Variants in ESR1 observed in about 807,000 individuals in gnomAD.
The protein encoded by ESR1 is estrogen receptor 1.
Under a neutral mutation model 52.7 loss-of-function variants are expected in ESR1, and 12 were observed. That is an observed-to-expected ratio of 0.23 (90% CI 0.15 to 0.37). ESR1 has a LOEUF of 0.37. Among genes scored for constraint, ESR1 ranks in the 10% least tolerant of loss-of-function variants. ESR1 has a pLI of 1.00. For synonymous variants in ESR1, 305 were observed against 316.8 expected, an observed-to-expected ratio of 0.96 and a Z score of 0.39; for missense variants, 584 against 779.7, an observed-to-expected ratio of 0.75 and a Z score of 2.99.
chr6:152,076,379 G>A (rs1283034171), intron 6 of ESR1, among the ~76,000 whole-genome samples: 2 of 152,178 alleles, frequency 1.3e-5, no homozygotes, highest in Non-Finnish European at 1.5e-5. Context: ...ATGTGGAACT[G>A]TAAATCCAAT....
intron 5 of ESR1, among the ~76,000 whole-genome samples, chr6:152,023,544 A>T (rs1310803208): frequency 1.3e-5 from 2 of 152,232 alleles, no homozygotes; most frequent in African/African-American, 2.4e-5. Flanking sequence ...TGCCATTCTC[A>T]TACCAAATAA....
chr6:152,000,862 C>A (rs2041892366), intron 4 of ESR1, among the ~76,000 whole-genome samples: 1 of 151,994 alleles, frequency 6.6e-6, no homozygotes. Flanking sequence ...AGAGGCTTTG[C>A]AATCTTGAAG....
chr6:151,789,112 T>TAA (rs767498740), intron 2 of ESR1, among the ~76,000 whole-genome samples: 1 of 150,950 alleles, frequency 6.6e-6, no homozygotes, highest in African/African-American at 2.4e-5. Flanking sequence ...AAATAAAAGT[T>TAA]AAAAAAAAAC....
At chr6:151,991,126 C>T (rs777060519) in intron 4 of ESR1, among the ~76,000 whole-genome samples, 7 of 152,194 alleles carry the variant, frequency 4.6e-5, no homozygotes, top group Admixed American at 3.3e-4. Flanking sequence ...GCCAAAAGCC[C>T]ATTTCACTTG....
At chr6:151,928,627 A>G (rs2033124483) in intron 3 of ESR1, among the ~76,000 whole-genome samples, 1 of 151,476 alleles carries the variant, frequency 6.6e-6, no homozygotes. Flanking sequence ...TTTCTTCTCT[A>G]GTTTCCTTAG....
intron 6 of ESR1, among the ~76,000 whole-genome samples, chr6:152,088,610 A>G (rs2049934471): frequency 6.6e-6 from 1 of 152,158 alleles, no homozygotes; most frequent in African/African-American, 2.4e-5. Flanking sequence ...GTAGCTTTAT[A>G]AGAGAAGGAA....
intron 2 of ESR1, among the ~76,000 whole-genome samples, chr6:151,846,056 G>A (rs1785059015): frequency 6.6e-6 from 1 of 152,174 alleles, no homozygotes; most frequent in African/African-American, 2.4e-5. Flanking sequence ...AGTCCTGGTG[G>A]TGGTTGAGTC....
intron 4 of ESR1, among the ~76,000 whole-genome samples, chr6:151,959,990 A>G (rs2037466225): frequency 6.6e-6 from 1 of 152,202 alleles, no homozygotes; most frequent in Non-Finnish European, 1.5e-5. Flanking sequence ...TGTAAGTTCT[A>G]TGAGGGCAGA....
At chr6:151,680,188 G>T (rs1427101887) in intron 1 of ESR1, among the ~76,000 whole-genome samples, 1 of 147,448 alleles carries the variant, frequency 6.8e-6, no homozygotes, top group Non-Finnish European at 1.5e-5. Flanking sequence ...CAGCCACCTT[G>T]CTTTTTTTCT....
chr6:152,005,241 C>T (rs536366656), intron 4 of ESR1, among the ~76,000 whole-genome samples: 24 of 152,082 alleles, frequency 1.6e-4, no homozygotes, highest in African/African-American at 5.8e-4. Context: ...AACGTGCTTT[C>T]TTTTCTCATT....
Position 152,100,772 on chromosome 6 carries a change from C to CA in ESR1, c.*1821dup, listed in dbSNP as rs71017521. 0.43 allele frequency: 81,736 copies of CA among 191,774 alleles called. 14,160 individuals carry two copies. Among genetic ancestry groups the CA allele is most frequent in the South Asian group, 0.54 (2,471 of 4,618 alleles). 11.9% of individuals were successfully genotyped at this position (191,774 alleles called of 1,614,324 possible). On this transcript the variant is annotated 3_prime_UTR_variant, in exon 8 of 8. Coordinates refer to ENST00000206249, the MANE Select transcript of ESR1 (RefSeq NM_000125.4). ...CCAAAGGACTGAGAATCTGGGAGGG[C>CA]AAAAAAAAAAAAAAAGTTTTTATGT... is the stretch of plus-strand genomic sequence containing the variant.
At chr6:151,918,150 T>A (rs1183344637) in intron 3 of ESR1, among the ~76,000 whole-genome samples, 1 of 152,158 alleles carries the variant, frequency 6.6e-6, no homozygotes, top group Non-Finnish European at 1.5e-5. Flanking sequence ...AGCATGTGAA[T>A]TGAGTTTTCT....
intron 6 of ESR1, chr6:152,118,517 A>C (rs2051235537): frequency 6.7e-6 from 1 of 149,918 alleles, no homozygotes; most frequent in Non-Finnish European, 1.5e-5. Context: ...CAAACACCAC[A>C]CGTTTTCACT....
chr6:151,694,266 G>GA, intron 1 of ESR1, among the ~76,000 whole-genome samples: 1 of 152,144 alleles, frequency 6.6e-6, no homozygotes, highest in East Asian at 1.9e-4. Context: ...CATTACTTGA[G>GA]ACAGTATTAA....
chr6:151,746,089 A>AT (rs1364259947), intron 2 of ESR1, among the ~76,000 whole-genome samples: 2 of 152,004 alleles, frequency 1.3e-5, no homozygotes, highest in South Asian at 2.1e-4. Context: ...TCTATATCAC[A>AT]TTTTTTTGTT....
chr6:151,976,141 TTTG>T (rs1174381780), intron 4 of ESR1, among the ~76,000 whole-genome samples: 1 of 152,188 alleles, frequency 6.6e-6, no homozygotes, highest in Non-Finnish European at 1.5e-5. Context: ...TGTTTAAGAT[TTTG>T]TTGTTTTTTT....
intron 3 of ESR1, among the ~76,000 whole-genome samples, chr6:151,943,420 C>T (rs1365057532): frequency 6.6e-6 from 1 of 150,408 alleles, no homozygotes; most frequent in African/African-American, 2.4e-5. Context: ...AAAAAAACCA[C>T]CTTTGGGGGG....
intron 3 of ESR1, among the ~76,000 whole-genome samples, chr6:151,910,114 T>C (rs1042217962): frequency 6.6e-6 from 1 of 151,644 alleles, no homozygotes; most frequent in Non-Finnish European, 1.5e-5. Flanking sequence ...TGTGACACTG[T>C]CTGATAGAAT....
intron 3 of ESR1, among the ~76,000 whole-genome samples, chr6:151,898,472 C>G (rs1467903635): frequency 6.8e-6 from 1 of 147,118 alleles, no homozygotes; most frequent in African/African-American, 2.5e-5. Flanking sequence ...GATCACAGGA[C>G]AATAGTGGAG....
Sources: gnomAD v4.1 joint callset for allele counts (sites outside exome capture counted in the v4.1 genomes callset) on GRCh38, gnomAD v4.1.1 for gene constraint, MANE v1.5 for transcripts, NCBI Gene and HGNC (gene_info 2026-07-23, HGNC 2026-07-21) for gene names.